The following EVC variants were observed in gnomAD, a reference collection of about 807,000 sequenced individuals.
EVC encodes evC complex member EVC.
A neutral mutation model predicts 118.9 loss-of-function variants in EVC; 116 were observed. That is an observed-to-expected ratio of 0.98 (90% CI 0.84 to 1.14). EVC has a LOEUF of 1.14. Ranked by LOEUF, EVC falls within the 50% of genes most tolerant of loss-of-function variation. The probability of loss-of-function intolerance (pLI) is 0.00; values close to 1 mark genes in which losing one functional copy is unlikely to be tolerated. For missense variants in EVC, 1,401 were observed against 1,246.4 expected (o/e 1.12, Z -1.87); for synonymous variants, 619 against 534.7 (o/e 1.16, Z -2.18).
At position 5,785,466 on chromosome 4, in the gene EVC, C is replaced by T. The variant is rs181884991; in HGVS notation, c.1776+1702C>T. On this transcript the variant is annotated intron_variant, in intron 12 of 20. Transcript: ENST00000264956. ...GGTTTCCTAAAACAATTCCTTGGGG[C>T]AATAGAAAGTACAAAGTAGATAGAG... Among the ~76,000 whole-genome samples, 306 of 152,296 alleles carry T rather than the reference C, an allele frequency of 2.0e-3. 3 individuals carry two copies. The highest frequency in any genetic ancestry group is 7.1e-3 in the African/African-American group (294 of 41,546).
At chr4:5,801,771 AG>A (rs1242097405) in intron 15 of EVC, 178 bp from the exon 16 acceptor site, 16 of 653,538 alleles carry the variant, frequency 2.4e-5, no homozygotes, top group Non-Finnish European at 5.5e-6. Context: ...CTAAGAAGAT[AG>A]GATTCCCATG....
rs778893728 is a variant in EVC, at chr4:5,748,334, A to G, written c.1098+28A>G. 3.1e-6 allele frequency: 5 copies of G among 1,613,184 alleles called. No homozygotes were observed. The South Asian group carries it at 4.4e-5, about 14-fold the overall frequency. ...AATGCTGGAGGGGGCGGGAGGGAACATAAAGATATTCAGACTAGAGATATG... is the reference window on the plus strand; with the variant it reads ...AATGCTGGAGGGGGCGGGAGGGAACGTAAAGATATTCAGACTAGAGATATG... On this transcript the variant is annotated intron_variant, in intron 8 of 20. Transcript: ENST00000264956.
intron 11 of EVC, among the ~76,000 whole-genome samples, chr4:5,770,911 G>A (rs1577512936): frequency 2.0e-5 from 3 of 151,954 alleles, no homozygotes; most frequent in African/African-American, 7.3e-5. Flanking sequence ...TACTTGGGAG[G>A]CTGAGGCAGG....
At chr4:5,763,501 A>G (rs28785310) in intron 11 of EVC, among the ~76,000 whole-genome samples, 42,329 of 136,776 alleles carry the variant, frequency 0.31, 5,556 homozygotes, top group Middle Eastern at 0.41. Context: ...CAGTATGGCC[A>G]TTTTCACGAT....
Position 5,783,564 on chromosome 4 carries a change from A to G in EVC, c.1576A>G (p.Ser526Gly), listed in dbSNP as rs781774727. ...TTCTCCGCTCCAGGAGCTGTACTTC[A>G]GCACCGTGGACACTTTCCAGAAGTT... ...VVALCQELYF[S>G]TVDTFQKFVD... The change falls in exon 12 of 21, where the codon AGC (serine) becomes GGC (glycine). Residue 526 changes from serine to glycine, a missense_variant. By Grantham distance (56) the Ser-to-Gly change is moderately conservative. Coordinates refer to ENST00000264956, the MANE Select transcript of EVC (RefSeq NM_153717.3). 4 of 1,614,142 alleles carry G rather than the reference A, an allele frequency of 2.5e-6. No individual in the cohort carries two copies. In the South Asian group the frequency reaches 4.4e-5, roughly 18 times the overall value.
chr4:5,718,576 CAAG>C (rs1223880670), intron 1 of EVC, among the ~76,000 whole-genome samples: 1 of 152,210 alleles, frequency 6.6e-6, no homozygotes, highest in East Asian at 1.9e-4. Context: ...AGAGCAGAGA[CAAG>C]AAGGCAGAGT....
chr4:5,739,359 T>A (rs1471930158), intron 5 of EVC, among the ~76,000 whole-genome samples: 1 of 152,094 alleles, frequency 6.6e-6, no homozygotes, highest in Non-Finnish European at 1.5e-5. Flanking sequence ...ATAATGAAGG[T>A]TGGTGGGCAG....
At chr4:5,799,048 T>C (rs1318861089) in intron 15 of EVC, among the ~76,000 whole-genome samples, 2 of 152,146 alleles carry the variant, frequency 1.3e-5, no homozygotes, top group Non-Finnish European at 2.9e-5. Context: ...GAGCACTGGC[T>C]CTGTCTTCCC....
At chr4:5,733,947 GT>G (rs1444949571) in intron 5 of EVC, among the ~76,000 whole-genome samples, 1 of 152,146 alleles carries the variant, frequency 6.6e-6, no homozygotes, top group Non-Finnish European at 1.5e-5. Flanking sequence ...AGCTGCAGGA[GT>G]GGCACTGAGA....
chr4:5,741,252 T>C (rs547086177), intron 5 of EVC, among the ~76,000 whole-genome samples: 52 of 152,332 alleles, frequency 3.4e-4, no homozygotes, highest in African/African-American at 1.2e-3. Context: ...GTATCCCCAC[T>C]TATGGGAGGG....
At chr4:5,728,807 C>T (rs1192426572) in intron 2 of EVC, among the ~76,000 whole-genome samples, 1 of 152,192 alleles carries the variant, frequency 6.6e-6, no homozygotes, top group African/African-American at 2.4e-5. Context: ...TTTTCTAATT[C>T]CTTAGGAGAC....
chr4:5,753,242 A>G (rs958290021), intron 9 of EVC, among the ~76,000 whole-genome samples, 190 bp downstream of exon 9: 1 of 152,212 alleles, frequency 6.6e-6, no homozygotes, highest in Non-Finnish European at 1.5e-5. Flanking sequence ...TCTGTACAGC[A>G]GAGTCCATGA....
In EVC at chr4:5,719,155, G is replaced by A. The variant is rs1477727102; in HGVS notation, c.175-93G>A. 5.2e-6 allele frequency: 8 copies of A among 1,527,740 alleles called. No homozygotes were observed. Among genetic ancestry groups the A allele is most frequent in the Admixed American group, 1.7e-5 (1 of 59,742 alleles). The allele number at this position is 1,527,740 out of a possible 1,614,324, so 94.6% of individuals were successfully genotyped here. The stretch of plus-strand genomic sequence containing the variant: ...AGCAGAAGTGGCTGCTGGACTGGGG[G>A]AGTTGACTGGCAAAAGTCACGGTGG... On this transcript the variant is annotated intron_variant, in intron 1 of 20. Transcript: ENST00000264956. This position sits in a 1 kb window ranked among gnomAD's most constrained non-coding sequence, Gnocchi z 4.7.
chr4:5,753,611 C>A (rs1432453818), intron 9 of EVC, among the ~76,000 whole-genome samples, 174 bp from the exon 10 acceptor site: 1 of 152,178 alleles, frequency 6.6e-6, no homozygotes, highest in Non-Finnish European at 1.5e-5. Flanking sequence ...TAGCTGAGGT[C>A]ACACTACTAG....
At chr4:5,826,022 A>C in the EVC span, 1 of 305,936 alleles carries the variant, frequency 3.3e-6, no homozygotes. Flanking sequence ...CACACACTTA[A>C]ATCACATACA....
At chr4:5,795,983 A>C (rs1470230314) in intron 13 of EVC, among the ~76,000 whole-genome samples, 1 of 146,850 alleles carries the variant, frequency 6.8e-6, no homozygotes, top group Non-Finnish European at 1.5e-5. Context: ...TGTCTCTTAC[A>C]TGCTCCTCTG....
rs1232348974 is a variant in EVC at position 5,719,939 on chromosome 4, TG to T, written c.300+567del. On this transcript the variant is annotated intron_variant, in intron 2 of 20. Transcript: ENST00000264956. This position sits in a 1 kb window ranked among gnomAD's most constrained non-coding sequence, Gnocchi z 4.7. ...TTGACTGTAATGAATAAGCCTACTA[TG>T]AATGTTGGTGCATAAGTCTGTTTAT... 2.0e-5 allele frequency among the ~76,000 whole-genome samples: 3 copies of T among 152,230 alleles called. No individual in the cohort carries two copies. Among genetic ancestry groups the T allele is most frequent in the Non-Finnish European group, 4.4e-5 (3 of 68,044 alleles).
At position 5,783,624 on chromosome 4, in the gene EVC, A is replaced by G. The variant is rs112608085; in HGVS notation, c.1636A>G (p.Met546Val). The change falls in exon 12 of 21, where the codon ATG (methionine) becomes GTG (valine). Residue 546 changes from methionine to valine, a missense_variant. Met to Val is a conservative substitution (Grantham distance 21). Coordinates refer to ENST00000264956, the MANE Select transcript of EVC (RefSeq NM_153717.3). ...CCTGTTCCTTCAGACGCTCCCTGGC[A>G]TGACTGGCCTCCCCCCGGAAGAGTG... Reference protein sequence around the residue: ...DALFLQTLPGMTGLPPEECDY... With the variant: ...DALFLQTLPGVTGLPPEECDY... The G allele has an allele frequency of 4.4e-4, 707 of 1,614,170 alleles. 7 individuals carry two copies. In the African/African-American group the frequency reaches 4.8e-3, roughly 11 times the overall value.
At chr4:5,728,619 G>T (rs1330135410) in intron 2 of EVC, among the ~76,000 whole-genome samples, 1 of 152,140 alleles carries the variant, frequency 6.6e-6, no homozygotes, top group Non-Finnish European at 1.5e-5. Flanking sequence ...CATGAATGTG[G>T]TCTTCGAGGG....
Sources: gnomAD v4.1 joint callset for allele counts (sites outside exome capture counted in the v4.1 genomes callset) on GRCh38, gnomAD v4.1.1 for gene constraint, Gnocchi (gnomAD v3.1) non-coding constraint, MANE v1.5 for transcripts, NCBI Gene and HGNC (gene_info 2026-07-23, HGNC 2026-07-21) for gene names.